Variants in MME observed in about 807,000 individuals in gnomAD.
MME encodes neprilysin.
Under a neutral mutation model 113.2 loss-of-function variants are expected in MME, and 98 were observed. The ratio of observed to expected loss-of-function variants is 0.87; its 90% confidence interval spans 0.74 to 1.02. The LOEUF (loss-of-function observed/expected upper bound fraction) is 1.02, where lower values mean the gene tolerates loss of function less well. Ranked by LOEUF, MME falls within the 50% of genes least tolerant of loss-of-function variation. MME has a pLI of 0.00. For synonymous variants in MME, 292 were observed against 300.6 expected (o/e 0.97, Z 0.30); for missense variants, 836 against 896.0 (o/e 0.93, Z 0.86).
At chr3:155,128,380 C>T (rs936569375) in intron 8 of MME, among the ~76,000 whole-genome samples, 1 of 152,138 alleles carries the variant, frequency 6.6e-6, no homozygotes, top group East Asian at 1.9e-4. Flanking sequence ...CACTACTCTG[C>T]TATCTTTGAA....
chr3:155,041,682 G>A (rs901379118), intron 1 of MME, among the ~76,000 whole-genome samples: 5 of 152,108 alleles, frequency 3.3e-5, no homozygotes, highest in African/African-American at 7.2e-5. Context: ...AAACTCCAGG[G>A]TCTCTGTTTA....
intron 3 of MME, among the ~76,000 whole-genome samples, chr3:155,113,657 G>C (rs374262355): frequency 6.6e-6 from 1 of 152,132 alleles, no homozygotes; most frequent in African/African-American, 2.4e-5. Flanking sequence ...AAGATGTGTA[G>C]AATATATCAA....
At chr3:155,170,019 T>G (rs969388974) in intron 20 of MME, among the ~76,000 whole-genome samples, 1 of 152,138 alleles carries the variant, frequency 6.6e-6, no homozygotes, top group Non-Finnish European at 1.5e-5. Context: ...GTTTAGTAAT[T>G]TTTTTGTTCG....
At chr3:155,162,329 A>C (rs763770621) in intron 17 of MME, among the ~76,000 whole-genome samples, 59 of 152,302 alleles carry the variant, frequency 3.9e-4, no homozygotes, top group Non-Finnish European at 6.5e-4. Context: ...CGATCAGAGA[A>C]GAGCTGAAAA....
intron 3 of MME, among the ~76,000 whole-genome samples, chr3:155,110,187 G>A (rs909038754): frequency 6.6e-6 from 1 of 152,230 alleles, no homozygotes; most frequent in African/African-American, 2.4e-5. Context: ...GGCCCTGCAA[G>A]GTGCTGCTTC....
chr3:155,102,954 A>G (rs1226150943), intron 3 of MME, among the ~76,000 whole-genome samples: 1 of 152,162 alleles, frequency 6.6e-6, no homozygotes, highest in African/African-American at 2.4e-5. Flanking sequence ...CTCTTTTGTC[A>G]AAAACGTCAC....
chr3:155,047,897 C>A (rs576041302), intron 1 of MME, among the ~76,000 whole-genome samples: 1 of 151,988 alleles, frequency 6.6e-6, no homozygotes, highest in African/African-American at 2.4e-5. Context: ...ATGTTCGGAG[C>A]CTTTGTTAAT....
At chr3:155,144,890 A>G (rs1721388458) in intron 14 of MME, among the ~76,000 whole-genome samples, 1 of 152,174 alleles carries the variant, frequency 6.6e-6, no homozygotes, top group East Asian at 1.9e-4. Context: ...TTGTCTTTAT[A>G]ATTATATAAT....
upstream of MME, among the ~76,000 whole-genome samples, chr3:155,074,906 C>T (rs1714696416): frequency 6.6e-6 from 1 of 151,372 alleles, no homozygotes. Flanking sequence ...ATAAATATTC[C>T]ATAGGTGCTT....
intron 16 of MME, among the ~76,000 whole-genome samples, chr3:155,152,244 A>C: frequency 6.6e-6 from 1 of 152,144 alleles, no homozygotes; most frequent in East Asian, 1.9e-4. Context: ...CATCTAACAG[A>C]AACCTACACA....
At chr3:155,149,794 G>C (rs540588930) in intron 16 of MME, among the ~76,000 whole-genome samples, 1 of 152,284 alleles carries the variant, frequency 6.6e-6, no homozygotes, top group African/African-American at 2.4e-5. Context: ...TACTCAACAT[G>C]TTGAACTCTT....
chr3:155,148,661 T>C lies in MME; in HGVS notation c.1601+8T>C. 6.3e-7 allele frequency: 1 copy of C among 1,589,382 alleles called. No individual in the cohort carries two copies. The highest frequency in any genetic ancestry group is 8.6e-7 in the Non-Finnish European group (1 of 1,157,810). On this transcript the variant is annotated splice_region_variant and intron_variant, in intron 16 of 22. Coordinates refer to ENST00000360490, the MANE Select transcript of MME (RefSeq NM_007289.4). ...AAAGGTGGACAAAGATGAGTGCGTATATTCTCATTTCTAATGTGATCATCT... is the reference window on the plus strand; with the variant it reads ...AAAGGTGGACAAAGATGAGTGCGTACATTCTCATTTCTAATGTGATCATCT...
intron 22 of MME, among the ~76,000 whole-genome samples, chr3:155,173,664 A>G (rs1054395561): frequency 1.3e-5 from 2 of 152,006 alleles, no homozygotes; most frequent in African/African-American, 4.8e-5. Flanking sequence ...TGGTATGCCT[A>G]TTATCTCTGT....
chr3:155,107,424 G>A (rs9827313), intron 3 of MME, among the ~76,000 whole-genome samples: 21,551 of 151,672 alleles, frequency 0.14, 1,541 homozygotes, highest in Non-Finnish European at 0.16. Context: ...TATGTGGTAT[G>A]TATGTTGTAA....
At chr3:155,101,816 C>T (rs1043185190) in intron 3 of MME, among the ~76,000 whole-genome samples, 9 of 152,018 alleles carry the variant, frequency 5.9e-5, no homozygotes, top group East Asian at 1.9e-4. Flanking sequence ...TTAACTAAAC[C>T]GGGATTCAGT....
Position 155,160,467 on chromosome 3 carries a change from TA to T in MME, c.1660+21del. On this transcript the variant is annotated intron_variant, in intron 17 of 22. Transcript: ENST00000360490. ...CAGATAGGTAAGGTGTATTCTTAAA[TA>T]ATTATTTAATATTTCTCTATCGTTC... 1 of 1,504,126 alleles carries T rather than the reference TA, an allele frequency of 6.6e-7. No individual in the cohort carries two copies. Among genetic ancestry groups the T allele is most frequent in the Non-Finnish European group, 9.2e-7 (1 of 1,081,088 alleles). 93.2% of individuals were successfully genotyped at this position (1,504,126 alleles called of 1,614,324 possible).
chr3:155,180,489 T>C lies in MME; in HGVS notation c.*30T>C. ...CAAAAGAAGCATTGCAGCCCTTGGC[T>C]AGACTTGCCAACACCACAGAAATGG... On this transcript the variant is annotated 3_prime_UTR_variant, in exon 23 of 23. Coordinates refer to ENST00000360490, the MANE Select transcript of MME (RefSeq NM_007289.4). 6.5e-7 allele frequency: 1 copy of C among 1,542,766 alleles called. No individual in the cohort carries two copies. The highest frequency in any genetic ancestry group is 9.0e-7 in the Non-Finnish European group (1 of 1,115,304).
At chr3:155,039,309 G>C (rs1713228395) in intron 1 of MME, among the ~76,000 whole-genome samples, 1 of 152,206 alleles carries the variant, frequency 6.6e-6, no homozygotes, top group South Asian at 2.1e-4. Flanking sequence ...TCAGTTGAGA[G>C]TGAAGAGAAG....
intron 1 of MME, among the ~76,000 whole-genome samples, chr3:155,073,534 T>A (rs998890296): frequency 3.9e-5 from 6 of 151,970 alleles, no homozygotes; most frequent in Non-Finnish European, 7.4e-5. Flanking sequence ...TAAAACACAA[T>A]GACATTAATT....
Sources: gnomAD v4.1 joint callset for allele counts (sites outside exome capture counted in the v4.1 genomes callset) on GRCh38, gnomAD v4.1.1 for gene constraint, MANE v1.5 for transcripts, NCBI Gene and HGNC (gene_info 2026-07-23, HGNC 2026-07-21) for gene names.